Variants in FSTL5 observed in about 807,000 individuals in gnomAD.
FSTL5 encodes follistatin like 5, also known as follistatin-related protein 5.
A neutral mutation model predicts 89.1 loss-of-function variants in FSTL5; 62 were observed. That is an observed-to-expected ratio of 0.70 (90% confidence interval 0.57 to 0.86). FSTL5 has a LOEUF of 0.86. FSTL5 is among the 40% of genes least tolerant of loss of function. The pLI is 0.00. For synonymous variants in FSTL5, 383 were observed against 346.2 expected (o/e 1.11, Z -1.18); for missense variants, 1,057 against 1,001.6 (o/e 1.06, Z -0.75).
At chr4:161,952,303 G>A (rs1409821850) in intron 3 of FSTL5, among the ~76,000 whole-genome samples, 2 of 151,900 alleles carry the variant, frequency 1.3e-5, no homozygotes, top group East Asian at 3.9e-4. Context: ...ATGCCTCAAG[G>A]GAACTAGGGA....
At chr4:162,054,809 T>TA (rs981880064) in intron 2 of FSTL5, among the ~76,000 whole-genome samples, 16 of 151,976 alleles carry the variant, frequency 1.1e-4, no homozygotes, top group African/African-American at 3.6e-4. Context: ...TGTTCAGGGA[T>TA]ACAGTGTACC....
chr4:161,497,601 A>G (rs1018597531), intron 12 of FSTL5, among the ~76,000 whole-genome samples: 3 of 149,626 alleles, frequency 2.0e-5, no homozygotes, highest in Non-Finnish European at 3.0e-5. Context: ...AGAGTACAGA[A>G]ACCTTTATAA....
chr4:162,099,893 C>A (rs75183863), intron 2 of FSTL5, among the ~76,000 whole-genome samples: 21,732 of 152,074 alleles, frequency 0.14, 2,013 homozygotes, highest in Non-Finnish European at 0.19. Context: ...TTTGGACAGC[C>A]AGAATGCAAA....
intron 4 of FSTL5, among the ~76,000 whole-genome samples, chr4:161,828,268 C>T (rs141883066): frequency 4.5e-4 from 69 of 152,234 alleles, no homozygotes; most frequent in African/African-American, 1.6e-3. Flanking sequence ...GTGGACAATC[C>T]CTCTTTCACT....
rs149291102 is a variant in FSTL5 at position 161,531,395 on chromosome 4, G to A, written c.1312+6771C>T. Among the ~76,000 whole-genome samples, 1,206 of 152,184 alleles carry A rather than the reference G, an allele frequency of 7.9e-3. 20 individuals are homozygous for A. Among genetic ancestry groups the A allele is most frequent in the African/African-American group, 0.028 (1,165 of 41,520 alleles). ...TAGAAAATAGCTGGATGATTACTCCGAAGCTGTATCCAGACAAAGTGAGTC... is the reference window on the plus strand; with the variant it reads ...TAGAAAATAGCTGGATGATTACTCCAAAGCTGTATCCAGACAAAGTGAGTC... On this transcript the variant is annotated intron_variant, in intron 10 of 15. Coordinates refer to ENST00000306100, the MANE Select transcript of FSTL5 (RefSeq NM_020116.5).
intron 7 of FSTL5, among the ~76,000 whole-genome samples, chr4:161,605,307 A>G (rs1300257901): frequency 6.6e-6 from 1 of 152,222 alleles, no homozygotes; most frequent in Non-Finnish European, 1.5e-5. Context: ...CTTCCACAGT[A>G]TCCATGAACT....
At chr4:162,019,432 A>G (rs1307660479) in intron 3 of FSTL5, among the ~76,000 whole-genome samples, 1 of 152,078 alleles carries the variant, frequency 6.6e-6, no homozygotes, top group East Asian at 1.9e-4. Context: ...TACCTTATAA[A>G]AAATGACTGA....
intron 8 of FSTL5, among the ~76,000 whole-genome samples, chr4:161,583,128 G>A (rs948090622): frequency 3.9e-5 from 6 of 152,158 alleles, no homozygotes; most frequent in Admixed American, 1.3e-4. Context: ...TTGAACCCAG[G>A]GGGCGGAGGT....
At chr4:161,788,992 A>T (rs184441534) in intron 4 of FSTL5, among the ~76,000 whole-genome samples, 162 of 152,254 alleles carry the variant, frequency 1.1e-3, no homozygotes, top group Non-Finnish European at 1.8e-3. Flanking sequence ...CTTCACATAC[A>T]CACCAGAATT....
At chr4:161,827,191 C>A (rs557951108) in intron 4 of FSTL5, among the ~76,000 whole-genome samples, 1 of 152,258 alleles carries the variant, frequency 6.6e-6, no homozygotes, top group East Asian at 1.9e-4. Context: ...AATGCGGCTT[C>A]CTGAGAGCGG....
chr4:161,898,319 A>G (rs1372102730), intron 4 of FSTL5, among the ~76,000 whole-genome samples: 1 of 151,744 alleles, frequency 6.6e-6, no homozygotes, highest in Non-Finnish European at 1.5e-5. Flanking sequence ...ATCGCATTCA[A>G]TTTAGGATAA....
intron 7 of FSTL5, among the ~76,000 whole-genome samples, chr4:161,618,915 C>T (rs549383021): frequency 1.3e-5 from 2 of 152,194 alleles, no homozygotes; most frequent in African/African-American, 2.4e-5. Context: ...AAGCTGGAGG[C>T]ATCATGATAC....
At chr4:161,669,858 G>A in intron 6 of FSTL5, among the ~76,000 whole-genome samples, 1 of 151,928 alleles carries the variant, frequency 6.6e-6, no homozygotes, top group Non-Finnish European at 1.5e-5. Flanking sequence ...TTTATACTTT[G>A]GTTATATTAT....
chr4:161,438,399 A>C (rs1732647886), intron 15 of FSTL5, among the ~76,000 whole-genome samples: 1 of 152,140 alleles, frequency 6.6e-6, no homozygotes, highest in Non-Finnish European at 1.5e-5. Flanking sequence ...ATAAGTGAGC[A>C]GCTCATTGTA....
At chr4:162,131,014 G>A (rs149223176) in intron 1 of FSTL5, among the ~76,000 whole-genome samples, 10 of 151,960 alleles carry the variant, frequency 6.6e-5, no homozygotes, top group Admixed American at 6.6e-4. Flanking sequence ...CATATTTTCT[G>A]GCCCAAATAC....
intron 6 of FSTL5, among the ~76,000 whole-genome samples, chr4:161,707,935 C>T (rs1738638841): frequency 2.0e-5 from 3 of 151,462 alleles, no homozygotes; most frequent in Admixed American, 2.0e-4. Context: ...ACTCATTTTC[C>T]CCCACAAAAT....
intron 1 of FSTL5, among the ~76,000 whole-genome samples, chr4:162,122,834 G>A (rs1258776621): frequency 6.6e-6 from 1 of 151,504 alleles, no homozygotes; most frequent in African/African-American, 2.4e-5. Flanking sequence ...AGTTTGCGTA[G>A]TGTAATGTGG....
intron 4 of FSTL5, among the ~76,000 whole-genome samples, chr4:161,842,432 G>GT (rs1417949565): frequency 6.6e-6 from 1 of 151,916 alleles, no homozygotes. Flanking sequence ...AATAAAATTG[G>GT]TATCTCTTTA....
At chr4:162,022,093 G>A (rs13113497) in intron 3 of FSTL5, among the ~76,000 whole-genome samples, 37,419 of 147,188 alleles carry the variant, frequency 0.25, 5,222 homozygotes, top group Non-Finnish European at 0.32. Context: ...TCTGTCTCAG[G>A]GAAAAAAAAA....
Sources: gnomAD v4.1 joint callset for allele counts (sites outside exome capture counted in the v4.1 genomes callset) on GRCh38, gnomAD v4.1.1 for gene constraint, MANE v1.5 for transcripts, NCBI Gene and HGNC (gene_info 2026-07-23, HGNC 2026-07-21) for gene names.